Variants in DLG2 observed in about 807,000 individuals in gnomAD.
The protein encoded by DLG2 is disks large homolog 2.
Under a neutral mutation model 132.5 loss-of-function variants are expected in DLG2, and 45 were observed. The ratio of observed to expected loss-of-function variants is 0.34; its 90% confidence interval spans 0.27 to 0.44. The LOEUF is 0.44. Among genes scored for constraint, DLG2 ranks in the 20% least tolerant of loss-of-function variants. DLG2 has a pLI of 1.00. For missense variants in DLG2, 1,045 were observed against 1,196.9 expected, an observed-to-expected ratio of 0.87 and a Z score of 1.87; for synonymous variants, 424 against 419.6, an observed-to-expected ratio of 1.01 and a Z score of -0.13.
chr11:85,027,374 A>G (rs551336197), intron 6 of DLG2, among the ~76,000 whole-genome samples: 1 of 152,116 alleles, frequency 6.6e-6, no homozygotes, highest in Non-Finnish European at 1.5e-5. Context: ...AGCAGGGGCT[A>G]TAATTGTCAC....
At chr11:84,269,245 C>T (rs906166131) in intron 7 of DLG2, among the ~76,000 whole-genome samples, 4 of 152,118 alleles carry the variant, frequency 2.6e-5, no homozygotes, top group Non-Finnish European at 4.4e-5. Context: ...TTGACTGTGC[C>T]CTATTTATTA....
Position 84,775,570 on chromosome 11 carries a change from A to T in DLG2, c.358-240839T>A, listed in dbSNP as rs1186293438. Among the ~76,000 whole-genome samples the T allele has an allele frequency of 3.3e-5, 5 of 152,204 alleles. 1 individual carries two copies. The highest frequency in any genetic ancestry group is 3.3e-4 in the Admixed American group (5 of 15,270). ...AAAGAAAATGGGGTACATATACACCATGAAATACCAGGCAGCCATAAAAAA... is the reference window on the plus strand; with the variant it reads ...AAAGAAAATGGGGTACATATACACCTTGAAATACCAGGCAGCCATAAAAAA... On this transcript the variant is annotated intron_variant, in intron 6 of 27. Transcript: ENST00000376104.
intron 8 of DLG2, among the ~76,000 whole-genome samples, chr11:84,225,814 T>C (rs538576464): frequency 4.3e-4 from 62 of 143,064 alleles, no homozygotes; most frequent in East Asian, 3.3e-3. Context: ...TTTTTTTTTT[T>C]CCCCTGGGAT....
chr11:83,542,174 AT>A (rs945113172), intron 19 of DLG2, among the ~76,000 whole-genome samples: 60 of 152,286 alleles, frequency 3.9e-4, no homozygotes, highest in African/African-American at 1.4e-3. Flanking sequence ...CCTAGTTGAG[AT>A]TTTTTTCCCC....
intron 4 of DLG2, among the ~76,000 whole-genome samples, chr11:85,247,277 G>A (rs1377364161): frequency 6.6e-6 from 1 of 152,008 alleles, no homozygotes; most frequent in East Asian, 1.9e-4. Flanking sequence ...AATACTATGT[G>A]GTTAAATGGT....
intron 4 of DLG2, among the ~76,000 whole-genome samples, chr11:85,265,826 A>T (rs2077180369): frequency 6.6e-6 from 1 of 152,202 alleles, no homozygotes; most frequent in African/African-American, 2.4e-5. Flanking sequence ...CAGAGAGATA[A>T]CTTGACTTCA....
intron 27 of DLG2, among the ~76,000 whole-genome samples, chr11:83,461,330 G>T (rs1231213564): frequency 6.6e-6 from 1 of 152,008 alleles, no homozygotes; most frequent in Non-Finnish European, 1.5e-5. Flanking sequence ...AAACCTCCGG[G>T]AACCAGGTGT....
intron 3 of DLG2, 124 bp downstream of exon 3, chr11:85,598,533 C>T: frequency 1.9e-6 from 1 of 530,036 alleles, no homozygotes; most frequent in Middle Eastern, 4.1e-4. Context: ...ATCTTCCCTT[C>T]CAGTATTAAA....
At chr11:85,492,239 A>G (rs1257246576) in intron 3 of DLG2, among the ~76,000 whole-genome samples, 2 of 152,208 alleles carry the variant, frequency 1.3e-5, no homozygotes, top group Admixed American at 1.3e-4. Context: ...CGGTTGGTGC[A>G]AAAGTAATTG....
At chr11:84,067,957 T>G (rs1766203982) in intron 10 of DLG2, among the ~76,000 whole-genome samples, 1 of 151,822 alleles carries the variant, frequency 6.6e-6, no homozygotes, top group South Asian at 2.1e-4. Context: ...GTAGGAGGAG[T>G]GACAAGCTTA....
At chr11:85,480,322 AC>A (rs1267908044) in intron 3 of DLG2, among the ~76,000 whole-genome samples, 1 of 152,198 alleles carries the variant, frequency 6.6e-6, no homozygotes, top group African/African-American at 2.4e-5. Flanking sequence ...ATTATGATAA[AC>A]AAAATATGGA....
chr11:84,848,967 C>T (rs767885609), intron 6 of DLG2, among the ~76,000 whole-genome samples: 24 of 152,190 alleles, frequency 1.6e-4, no homozygotes, highest in Non-Finnish European at 2.8e-4. Flanking sequence ...CAGCTCTAGG[C>T]CTATGCCTTA....
intron 12 of DLG2, among the ~76,000 whole-genome samples, chr11:83,968,327 T>C (rs1274522991): frequency 2.6e-5 from 4 of 152,200 alleles, no homozygotes; most frequent in Admixed American, 6.5e-5. Flanking sequence ...ACTGATGTGT[T>C]TGAATGCTGG....
At chr11:85,451,722 C>T (rs546342213) in intron 3 of DLG2, among the ~76,000 whole-genome samples, 2 of 152,256 alleles carry the variant, frequency 1.3e-5, no homozygotes, top group Non-Finnish European at 2.9e-5. Context: ...GCCCCCAGTA[C>T]ATTCTTTTAA....
chr11:84,152,063 A>G (rs1372341752), intron 9 of DLG2, among the ~76,000 whole-genome samples: 3 of 152,162 alleles, frequency 2.0e-5, no homozygotes, highest in Non-Finnish European at 2.9e-5. Context: ...ATTAGGTCCA[A>G]TTGGTCAAGT....
intron 17 of DLG2, among the ~76,000 whole-genome samples, chr11:83,830,895 T>C (rs188954936): frequency 1.7e-4 from 26 of 152,310 alleles, no homozygotes; most frequent in Admixed American, 1.2e-3. Flanking sequence ...GAACATTTAA[T>C]GACGATATGA....
At chr11:84,533,615 T>C (rs1001604203) in intron 7 of DLG2, among the ~76,000 whole-genome samples, 15 of 152,162 alleles carry the variant, frequency 9.9e-5, no homozygotes, top group African/African-American at 3.6e-4. Context: ...TTAACCTCTC[T>C]TAGATGTTTT....
rs1475694473 is a variant in DLG2, at chr11:84,737,496, A to AAGAG, written c.358-202769_358-202766dup. ...ATCTAGGTCAAGAGAGAGAGAAAGAAAGAGACAGAGAGAGAGAGAGAGAGA... is the reference window on the plus strand; with the variant it reads ...ATCTAGGTCAAGAGAGAGAGAAAGAAAGAGAGAGACAGAGAGAGAGAGAGAGAGA... On this transcript the variant is annotated intron_variant, in intron 6 of 27. Transcript: ENST00000376104. Among the ~76,000 whole-genome samples, 98 of 123,592 alleles carry AAGAG rather than the reference A, an allele frequency of 7.9e-4. 4 individuals are homozygous for AAGAG. The highest frequency in any genetic ancestry group is 2.4e-3 in the African/African-American group (84 of 35,224). The allele number at this position is 123,592 out of a possible 152,430, so 81.1% of individuals were successfully genotyped here.
At chr11:83,881,890 G>C (rs1276387380) in intron 15 of DLG2, among the ~76,000 whole-genome samples, 2 of 152,098 alleles carry the variant, frequency 1.3e-5, no homozygotes, top group African/African-American at 4.8e-5. Flanking sequence ...TCAAGAGTAA[G>C]TTTTCTGATC....
Sources: allele counts gnomAD v4.1 joint callset (sites outside exome capture counted in the v4.1 genomes callset), GRCh38; gene constraint gnomAD v4.1.1; transcripts MANE v1.5; gene names NCBI Gene and HGNC (gene_info 2026-07-23, HGNC 2026-07-21).